Variants in DCAF7 observed in about 807,000 individuals in gnomAD.
DCAF7 encodes DDB1- and CUL4-associated factor 7.
DCAF7 carries 4 observed loss-of-function variants against 41.2 expected under a neutral mutation model. That is an observed-to-expected ratio of 0.10 (90% CI 0.05 to 0.22). DCAF7 has a LOEUF of 0.22. Among genes scored for constraint, DCAF7 ranks in the 10% least tolerant of loss-of-function variants. The probability of loss-of-function intolerance (pLI) is 1.00; values close to 1 mark genes in which losing one functional copy is unlikely to be tolerated. For synonymous variants in DCAF7, 143 were observed against 164.2 expected, an observed-to-expected ratio of 0.87 and a Z score of 0.99; for missense variants, 131 against 443.2, an observed-to-expected ratio of 0.30 and a Z score of 6.32.
At chr17:63,584,160 C>T (rs565813307) in intron 5 of DCAF7, among the ~76,000 whole-genome samples, 5 of 152,212 alleles carry the variant, frequency 3.3e-5, no homozygotes, top group African/African-American at 4.8e-5. Context: ...CTAGCTTTAG[C>T]AAACAGATGT....
At chr17:63,582,003 C>T (rs1035715794) in intron 4 of DCAF7, among the ~76,000 whole-genome samples, 4 of 152,160 alleles carry the variant, frequency 2.6e-5, no homozygotes, top group Non-Finnish European at 5.9e-5. Flanking sequence ...CACTCAGCCA[C>T]GCTGCCCATG....
intron 3 of DCAF7, 108 bp downstream of exon 3, chr17:63,579,556 C>T: frequency 1.2e-6 from 1 of 812,202 alleles, no homozygotes. Context: ...GGGAAGTAGG[C>T]TAGGCGTGGA....
intron 1 of DCAF7, among the ~76,000 whole-genome samples, chr17:63,555,916 C>T (rs1293809499): frequency 6.6e-6 from 1 of 152,190 alleles, no homozygotes; most frequent in Non-Finnish European, 1.5e-5. Context: ...TAAGGACTTG[C>T]TGCCAAAGCT....
intron 5 of DCAF7, among the ~76,000 whole-genome samples, chr17:63,584,289 G>A (rs534992125): frequency 2.6e-5 from 4 of 152,210 alleles, no homozygotes; most frequent in Admixed American, 6.5e-5. Context: ...CCAACATGGC[G>A]AAACCTCGTC....
At chr17:63,559,758 C>A (rs2033360932) in intron 1 of DCAF7, among the ~76,000 whole-genome samples, 1 of 151,830 alleles carries the variant, frequency 6.6e-6, no homozygotes, top group Admixed American at 6.6e-5. Context: ...GCCGAGATGG[C>A]ACCATTGCAC....
rs1176480996 is a variant in DCAF7 at position 63,590,805 on chromosome 17, TA to T, written c.*1635del. On this transcript the variant is annotated 3_prime_UTR_variant, in exon 7 of 7. Transcript: ENST00000614556. ...CTCACCTGCTTGAGAAGTAAAACAG[TA>T]ACTTTGTTCTTCTGGGCCCTTAAGC... The T allele has an allele frequency of 6.6e-6, 1 of 152,236 alleles. No individual in the cohort carries two copies. Among genetic ancestry groups the T allele is most frequent in the Non-Finnish European group, 1.5e-5 (1 of 68,038 alleles). 9.4% of individuals were successfully genotyped at this position (152,236 alleles called of 1,614,324 possible).
At chr17:63,563,297 T>C (rs1018749908) in intron 1 of DCAF7, among the ~76,000 whole-genome samples, 1 of 152,228 alleles carries the variant, frequency 6.6e-6, no homozygotes, top group Non-Finnish European at 1.5e-5. Flanking sequence ...AATTGTGATA[T>C]CATCTTTCCC....
intron 1 of DCAF7, among the ~76,000 whole-genome samples, chr17:63,569,435 A>T (rs1459532040): frequency 6.6e-6 from 1 of 151,710 alleles, no homozygotes; most frequent in Non-Finnish European, 1.5e-5. Flanking sequence ...GAACCTTCAG[A>T]GGGTGGGGAC....
intron 6 of DCAF7, among the ~76,000 whole-genome samples, chr17:63,586,752 C>A (rs767251976): frequency 3.3e-5 from 5 of 151,342 alleles, no homozygotes; most frequent in Non-Finnish European, 7.4e-5. Context: ...CAGAGTGAGA[C>A]CCCGTCTCAA....
At chr17:63,552,224 G>A (rs543962725) in intron 1 of DCAF7, 2 of 152,360 alleles carry the variant, frequency 1.3e-5, no homozygotes, top group Non-Finnish European at 2.9e-5. Context: ...TACGGAAGGG[G>A]TTCTGGTTTA....
At chr17:63,564,584 A>G (rs2033420649) in intron 1 of DCAF7, among the ~76,000 whole-genome samples, 1 of 152,268 alleles carries the variant, frequency 6.6e-6, no homozygotes. Context: ...ACTCAAGGAC[A>G]GACCCAATCT....
At chr17:63,573,580 A>C (rs2033530277) in intron 1 of DCAF7, among the ~76,000 whole-genome samples, 1 of 152,030 alleles carries the variant, frequency 6.6e-6, no homozygotes, top group Non-Finnish European at 1.5e-5. Context: ...CAAAAAAAAA[A>C]TTAGCAGGGT....
At chr17:63,588,901 G>A (rs2033705649) in intron 6 of DCAF7, 99 bp from the exon 7 acceptor site, 3 of 1,300,156 alleles carry the variant, frequency 2.3e-6, no homozygotes, top group East Asian at 2.5e-5. Context: ...CCGCCATCAC[G>A]GGGGTGCTTT....
intron 1 of DCAF7, among the ~76,000 whole-genome samples, chr17:63,572,530 T>C (rs191981920): frequency 8.5e-5 from 13 of 152,280 alleles, no homozygotes; most frequent in African/African-American, 3.1e-4. Context: ...GCTCACAAGA[T>C]TGGATATTTG....
chr17:63,582,491 G>A (rs2033633692), intron 4 of DCAF7, among the ~76,000 whole-genome samples: 1 of 147,218 alleles, frequency 6.8e-6, no homozygotes, highest in Non-Finnish European at 1.5e-5. Context: ...TTTTCTTTAA[G>A]ACAGAGTTTC....
chr17:63,564,472 G>A (rs943605386), intron 1 of DCAF7, among the ~76,000 whole-genome samples: 36 of 152,058 alleles, frequency 2.4e-4, no homozygotes, highest in Non-Finnish European at 2.1e-4. Flanking sequence ...ATTAATAACC[G>A]AACAAGAACC....
intron 1 of DCAF7, among the ~76,000 whole-genome samples, chr17:63,568,390 T>A (rs915579105): frequency 2.0e-5 from 3 of 152,168 alleles, no homozygotes; most frequent in African/African-American, 4.8e-5. Context: ...GGGTACTATA[T>A]GTAGAAAGTT....
chr17:63,567,546 G>A (rs903135541), intron 1 of DCAF7, among the ~76,000 whole-genome samples: 1 of 152,196 alleles, frequency 6.6e-6, no homozygotes, highest in Non-Finnish European at 1.5e-5. Context: ...ATCAATTTTG[G>A]AAAGAGATGA....
chr17:63,587,339 T>TC (rs1355411888), intron 6 of DCAF7, among the ~76,000 whole-genome samples: 1 of 151,350 alleles, frequency 6.6e-6, no homozygotes, highest in Non-Finnish European at 1.5e-5. Flanking sequence ...TTTTTTTTTT[T>TC]CCCAGGGGTG....
Sources: allele counts gnomAD v4.1 joint callset (sites outside exome capture counted in the v4.1 genomes callset), GRCh38; gene constraint gnomAD v4.1.1; transcripts MANE v1.5; gene names NCBI Gene and HGNC (gene_info 2026-07-23, HGNC 2026-07-21).